Variants in DIP2C observed in about 807,000 individuals in gnomAD.
The protein encoded by DIP2C is DIP2 acetate--CoA ligase C (putative), also known as disco-interacting protein 2 homolog C.
In DIP2C, 33 loss-of-function variants were observed where a neutral mutation model predicts 192.4. That is an observed-to-expected ratio of 0.17 (90% CI 0.13 to 0.23). The LOEUF is 0.23. Among genes scored for constraint, DIP2C ranks in the 10% least tolerant of loss-of-function variants. The probability of loss-of-function intolerance (pLI) is 1.00; values close to 1 mark genes in which losing one functional copy is unlikely to be tolerated. For synonymous variants in DIP2C, 979 were observed against 864.1 expected, an observed-to-expected ratio of 1.13 and a Z score of -2.33; for missense variants, 1,537 against 2,110.1, an observed-to-expected ratio of 0.73 and a Z score of 5.32.
chr10:347,272 TCA>T (rs1958522842), intron 26 of DIP2C, among the ~76,000 whole-genome samples: 1 of 102,138 alleles, frequency 9.8e-6, no homozygotes, highest in African/African-American at 4.6e-5. Context: ...CCCAGACACA[TCA>T]CGCATAGTTC....
intron 1 of DIP2C, among the ~76,000 whole-genome samples, chr10:490,927 G>A (rs1157972370): frequency 2.0e-5 from 3 of 152,228 alleles, no homozygotes; most frequent in African/African-American, 4.8e-5. Flanking sequence ...ACTGAGGGAT[G>A]ATGCTTCTTT....
chr10:535,890 A>G lies in DIP2C; in HGVS notation c.86-49360T>C, dbSNP rs146452544. Among the ~76,000 whole-genome samples, 501 of 152,338 alleles carry G rather than the reference A, an allele frequency of 3.3e-3. 5 individuals are homozygous for G. Among genetic ancestry groups the G allele is most frequent in the Non-Finnish European group, 2.8e-3 (189 of 68,034 alleles). ...CAAAATAATTATTATAAACATATAC[A>G]CATACTTATATGTATGCAAATGCCA... On this transcript the variant is annotated intron_variant, in intron 1 of 36. Coordinates refer to ENST00000280886, the MANE Select transcript of DIP2C (RefSeq NM_014974.3).
intron 1 of DIP2C, among the ~76,000 whole-genome samples, chr10:529,827 C>T (rs546217812): frequency 7.2e-5 from 11 of 152,324 alleles, no homozygotes; most frequent in Admixed American, 2.6e-4. Flanking sequence ...TCACCCAGGC[C>T]GGAGTGCAGT....
chr10:615,935 C>T (rs941558829), intron 1 of DIP2C, among the ~76,000 whole-genome samples: 139 of 152,252 alleles, frequency 9.1e-4, no homozygotes, highest in African/African-American at 3.0e-3. Context: ...GGAGGCTCCA[C>T]AGATACAGCC....
chr10:637,822 C>A (rs765367465), intron 1 of DIP2C, among the ~76,000 whole-genome samples: 13 of 152,230 alleles, frequency 8.5e-5, no homozygotes, highest in Non-Finnish European at 1.6e-4. Context: ...CCACTTTTTA[C>A]CCAAGACCCG....
intron 1 of DIP2C, among the ~76,000 whole-genome samples, chr10:685,165 T>A (rs1490764473): frequency 0.014 from 279 of 19,888 alleles, 2 homozygotes; most frequent in African/African-American, 0.035. Flanking sequence ...AAAAAAAATA[T>A]ATATATATAT....
chr10:439,350 T>C (rs559008230), intron 4 of DIP2C, among the ~76,000 whole-genome samples: 1 of 152,296 alleles, frequency 6.6e-6, no homozygotes, highest in African/African-American at 2.4e-5. Flanking sequence ...TGGCATTTGC[T>C]AGCACGGCGT....
At chr10:369,900 C>G (rs184446547) in intron 17 of DIP2C, 17 of 1,359,002 alleles carry the variant, frequency 1.3e-5, no homozygotes, top group Middle Eastern at 2.8e-4. Flanking sequence ...TCTCCTGCCC[C>G]CTCTATGCAG....
chr10:390,477 G>T, intron 11 of DIP2C, 104 bp from the exon 12 acceptor site: 1 of 1,196,728 alleles, frequency 8.4e-7, no homozygotes, highest in Non-Finnish European at 1.2e-6. Context: ...CAACTAGATC[G>T]AATCTCTGGT....
chr10:670,405 T>C (rs745436061), intron 1 of DIP2C, among the ~76,000 whole-genome samples: 6 of 152,064 alleles, frequency 3.9e-5, no homozygotes, highest in Non-Finnish European at 7.4e-5. Context: ...TACGTAAGTA[T>C]CATCTCAGGT....
chr10:492,748 A>C (rs1844535053), intron 1 of DIP2C, among the ~76,000 whole-genome samples: 1 of 152,194 alleles, frequency 6.6e-6, no homozygotes, highest in Non-Finnish European at 1.5e-5. Flanking sequence ...TTGGTTTTAA[A>C]TTTGTATTGT....
At chr10:432,563 G>A (rs1373144747) in intron 4 of DIP2C, among the ~76,000 whole-genome samples, 1 of 152,104 alleles carries the variant, frequency 6.6e-6, no homozygotes, top group Non-Finnish European at 1.5e-5. Context: ...TTTATCTGCT[G>A]TATTTCTTTT....
chr10:495,635 G>C (rs1164855531), intron 1 of DIP2C, among the ~76,000 whole-genome samples: 6 of 151,948 alleles, frequency 3.9e-5, no homozygotes, highest in African/African-American at 1.2e-4. Context: ...GTGGGTTCCA[G>C]GGGTCAGGAT....
intron 32 of DIP2C, among the ~76,000 whole-genome samples, chr10:302,526 G>A (rs942565600): frequency 7.9e-5 from 12 of 152,142 alleles, no homozygotes; most frequent in African/African-American, 2.7e-4. Flanking sequence ...GAAGCTGGAG[G>A]TAAAAAGTAC....
chr10:404,135 T>C (rs1412526143), intron 9 of DIP2C, among the ~76,000 whole-genome samples: 1 of 152,190 alleles, frequency 6.6e-6, no homozygotes, highest in Non-Finnish European at 1.5e-5. Context: ...TATGGACAAG[T>C]TTGGTATGTG....
chr10:580,889 T>C (rs1850601685), intron 1 of DIP2C, among the ~76,000 whole-genome samples: 1 of 152,256 alleles, frequency 6.6e-6, no homozygotes, highest in Non-Finnish European at 1.5e-5. Context: ...CCTAACATAG[T>C]ACACGTCAGG....
chr10:499,621 AAC>A (rs1320404167), intron 1 of DIP2C, among the ~76,000 whole-genome samples: 7 of 152,146 alleles, frequency 4.6e-5, no homozygotes, highest in African/African-American at 1.2e-4. Flanking sequence ...GCAGGAAGGG[AAC>A]ACAGTTACCA....
intron 2 of DIP2C, among the ~76,000 whole-genome samples, chr10:480,711 T>C (rs1843541539): frequency 6.6e-6 from 1 of 152,178 alleles, no homozygotes; most frequent in Non-Finnish European, 1.5e-5. Flanking sequence ...ATGCGATTCA[T>C]TAAATGTTGC....
intron 1 of DIP2C, among the ~76,000 whole-genome samples, chr10:655,133 C>T (rs987879183): frequency 3.3e-5 from 5 of 152,114 alleles, no homozygotes; most frequent in East Asian, 1.9e-4. Context: ...ACCAGAAATT[C>T]GCTCCTTATG....
Sources: allele counts gnomAD v4.1 joint callset (sites outside exome capture counted in the v4.1 genomes callset), GRCh38; gene constraint gnomAD v4.1.1; transcripts MANE v1.5; gene names NCBI Gene and HGNC (gene_info 2026-07-23, HGNC 2026-07-21).